Variants in NUP160 observed in about 807,000 individuals in gnomAD.
The protein encoded by NUP160 is nuclear pore complex protein Nup160.
NUP160 carries 94 observed loss-of-function variants against 196.9 expected under a neutral mutation model. The observed-to-expected ratio is 0.48, with a 90% CI of 0.40 to 0.57. The LOEUF is 0.57. Among genes scored for constraint, NUP160 ranks in the 20% least tolerant of loss-of-function variants. NUP160 has a pLI of 0.00. For missense variants in NUP160, 1,638 were observed against 1,748.3 expected, an observed-to-expected ratio of 0.94 and a Z score of 1.13; for synonymous variants, 605 against 619.7, an observed-to-expected ratio of 0.98 and a Z score of 0.35.
At chr11:47,845,546 C>G (rs574176171) in intron 2 of NUP160, among the ~76,000 whole-genome samples, 1 of 152,224 alleles carries the variant, frequency 6.6e-6, no homozygotes, top group African/African-American at 2.4e-5. Flanking sequence ...GGATCGGCAC[C>G]CTTTTCCTGT....
At chr11:47,822,831 G>A (rs1352100446) in intron 7 of NUP160, among the ~76,000 whole-genome samples, 1 of 152,054 alleles carries the variant, frequency 6.6e-6, no homozygotes, top group African/African-American at 2.4e-5. Flanking sequence ...TTGGTTTTCT[G>A]TCCTTGTGAT....
At chr11:47,825,705 G>A (rs1851953365) in intron 7 of NUP160, among the ~76,000 whole-genome samples, 4 of 151,930 alleles carry the variant, frequency 2.6e-5, no homozygotes, top group South Asian at 4.2e-4. Flanking sequence ...CACCCACCTC[G>A]GCCTCCCAAA....
At position 47,803,427 on chromosome 11, in the gene NUP160, A is replaced by G. The variant is rs761126480; in HGVS notation, c.2775+11T>C. The G allele has an allele frequency of 6.0e-6, 9 of 1,510,760 alleles. No homozygotes were observed. The highest frequency in any genetic ancestry group is 1.4e-5 in the African/African-American group (1 of 72,830). 93.6% of individuals were successfully genotyped at this position (1,510,760 alleles called of 1,614,324 possible). A position where few individuals can be genotyped will look rare whatever the true frequency, so the allele number is the denominator to read the frequency against. ...TTTATAAAGTTTATTTGCCATTCAAATGTAGTTTACCTTCTGTCCTTCTCC... is the reference window on the plus strand; with the variant it reads ...TTTATAAAGTTTATTTGCCATTCAAGTGTAGTTTACCTTCTGTCCTTCTCC... On this transcript the variant is annotated intron_variant, in intron 22 of 35. Transcript: ENST00000378460.
intron 27 of NUP160, among the ~76,000 whole-genome samples, chr11:47,794,399 C>T (rs776760060): frequency 6.6e-5 from 10 of 151,934 alleles, no homozygotes; most frequent in African/African-American, 9.7e-5. Flanking sequence ...GGCGTGAACC[C>T]GGGAGGTGGA....
At chr11:47,829,565 C>A (rs1214450764) in intron 7 of NUP160, among the ~76,000 whole-genome samples, 1 of 152,120 alleles carries the variant, frequency 6.6e-6, no homozygotes, top group African/African-American at 2.4e-5. Context: ...CCTTGGCCTC[C>A]CAAAGTGCTA....
At chr11:47,789,422 C>T (rs1031237255) in intron 29 of NUP160, among the ~76,000 whole-genome samples, 5 of 152,034 alleles carry the variant, frequency 3.3e-5, no homozygotes, top group African/African-American at 7.2e-5. Flanking sequence ...TCTAGAGCCT[C>T]GGCTCTTTAT....
intron 2 of NUP160, among the ~76,000 whole-genome samples, 200 bp downstream of exon 2, chr11:47,847,648 T>TGGGGGGGGGGGGGGGG (rs56283744): frequency 7.7e-5 from 6 of 77,450 alleles, no homozygotes; most frequent in Admixed American, 1.6e-4. Context: ...TGTGTGGGGG[T>TGGGGGGGGGGGGGGGG]GGGGGGGGGG....
intron 11 of NUP160, among the ~76,000 whole-genome samples, chr11:47,816,392 G>T (rs1187347916): frequency 6.6e-6 from 1 of 152,170 alleles, no homozygotes; most frequent in African/African-American, 2.4e-5. Context: ...TTTTATGTGG[G>T]AGGTCAGTCT....
chr11:47,847,356 C>T (rs1852418704), intron 2 of NUP160, among the ~76,000 whole-genome samples: 1 of 152,042 alleles, frequency 6.6e-6, no homozygotes, highest in African/African-American at 2.4e-5. Flanking sequence ...TATATTTTTC[C>T]TCTAGGGCAA....
chr11:47,801,801 C>T lies in NUP160; in HGVS notation c.2895+10G>A. ...AGGGTGGTATAAGGCCAAACCAAGA[C>T]ATGATGTACCTTGTCATAATACTGC... is the stretch of plus-strand genomic sequence containing the variant. On this transcript the variant is annotated intron_variant, in intron 23 of 35. Coordinates refer to ENST00000378460, the Ensembl canonical transcript of NUP160. The T allele has an allele frequency of 2.5e-6, 4 of 1,613,288 alleles. No homozygotes were observed. The highest frequency in any genetic ancestry group is 3.4e-6 in the Non-Finnish European group (4 of 1,179,608).
At chr11:47,805,628 A>G (rs1444937725) in intron 20 of NUP160, among the ~76,000 whole-genome samples, 1 of 148,354 alleles carries the variant, frequency 6.7e-6, no homozygotes, top group African/African-American at 2.5e-5. Flanking sequence ...TTGTATTTTT[A>G]GTAGAGACAG....
intron 11 of NUP160, among the ~76,000 whole-genome samples, chr11:47,816,781 G>A (rs2097684735): frequency 7.1e-6 from 1 of 140,870 alleles, no homozygotes; most frequent in Non-Finnish European, 1.5e-5. Context: ...GCCTCAAAGG[G>A]AAAAAAAAAA....
intron 7 of NUP160, among the ~76,000 whole-genome samples, chr11:47,831,842 CAAAAAAAAAAA>C (rs372159602): frequency 6.0e-5 from 4 of 66,664 alleles, no homozygotes; most frequent in African/African-American, 7.1e-5. Flanking sequence ...GACTCTCTCT[CAAAAAAAAAAA>C]AAAAAAAAAA....
intron 34 of NUP160, among the ~76,000 whole-genome samples, chr11:47,782,307 T>C (rs937549973): frequency 1.0e-4 from 1 of 9,950 alleles, no homozygotes; most frequent in Non-Finnish European, 1.7e-4. Context: ...AAAAAAAATA[T>C]ATATATATAT....
At chr11:47,841,116 A>G (rs1391868566) in intron 2 of NUP160, among the ~76,000 whole-genome samples, 1 of 152,200 alleles carries the variant, frequency 6.6e-6, no homozygotes, top group African/African-American at 2.4e-5. Flanking sequence ...TACCTTCGCA[A>G]ATTGAACATA....
chr11:47,799,749 T>A (rs897058855), intron 23 of NUP160, among the ~76,000 whole-genome samples: 1 of 151,700 alleles, frequency 6.6e-6, no homozygotes, highest in Non-Finnish European at 1.5e-5. Context: ...TCTTCCTATG[T>A]TGTCTGGGCT....
rs1380510888 is a variant in NUP160, at chr11:47,788,356, A to C, written c.3623-51T>G. 4.3e-6 allele frequency: 7 copies of C among 1,610,404 alleles called. No individual in the cohort carries two copies. In the East Asian group the frequency reaches 1.6e-4, roughly 36 times the overall value. ...CGTGTAGCCAAGGTATACACAAATG[A>C]AACCAAAGATTTTGTTTTGTTGATG... is the stretch of plus-strand genomic sequence containing the variant. On this transcript the variant is annotated intron_variant, in intron 30 of 35. Coordinates refer to ENST00000378460, the Ensembl canonical transcript of NUP160.
chr11:47,798,100 G>A, intron 25 of NUP160, 26 bp from the exon 26 acceptor site: 1 of 1,533,102 alleles, frequency 6.5e-7, no homozygotes, highest in East Asian at 2.3e-5. Context: ...GGAATATGAG[G>A]GCAAACTATC....
Position 47,806,329 on chromosome 11 carries a change from T to A in NUP160, c.2447-17A>T, listed in dbSNP as rs199661648. The A allele has an allele frequency of 6.3e-7, 1 of 1,596,254 alleles. No homozygotes were observed. Among genetic ancestry groups the A allele is most frequent in the Non-Finnish European group, 8.6e-7 (1 of 1,166,608 alleles). On this transcript the variant is annotated splice_polypyrimidine_tract_variant and intron_variant, in intron 19 of 35. Coordinates refer to ENST00000378460, the Ensembl canonical transcript of NUP160. ...GACTAGATACTTAAAAAGAAAAAGT[T>A]ATGACAGTTTTGTGTAGTGGTAATT...
Sources: gnomAD v4.1 joint callset for allele counts (sites outside exome capture counted in the v4.1 genomes callset) on GRCh38, gnomAD v4.1.1 for gene constraint, MANE v1.5 for transcripts, NCBI Gene and HGNC (gene_info 2026-07-23, HGNC 2026-07-21) for gene names.